Variants in KCNH5 observed in about 807,000 individuals in gnomAD.
KCNH5 encodes potassium voltage-gated channel subfamily H member 5, also known as voltage-gated delayed rectifier potassium channel KCNH5.
In KCNH5, 46 loss-of-function variants were observed where a neutral mutation model predicts 96.1. That is an observed-to-expected ratio of 0.48 (90% CI 0.38 to 0.61). The LOEUF (loss-of-function observed/expected upper bound fraction) is 0.61. KCNH5 is among the 20% of genes least tolerant of loss of function. The pLI is 0.00. For synonymous variants in KCNH5, 439 were observed against 449.8 expected, an observed-to-expected ratio of 0.98 and a Z score of 0.30; for missense variants, 907 against 1,225.8, an observed-to-expected ratio of 0.74 and a Z score of 3.88.
At chr14:62,826,403 C>T (rs909022213) in intron 8 of KCNH5, among the ~76,000 whole-genome samples, 8 of 93,756 alleles carry the variant, frequency 8.5e-5, no homozygotes, top group African/African-American at 2.0e-4. Context: ...TGTGTGCGTG[C>T]GTGCATGTGT....
chr14:63,042,801 A>G (rs1042833404), intron 1 of KCNH5, among the ~76,000 whole-genome samples: 1 of 152,102 alleles, frequency 6.6e-6, no homozygotes, highest in Non-Finnish European at 1.5e-5. Context: ...ATAATTCTCA[A>G]TTTCTGAGGT....
chr14:62,979,701 T>C (rs1438589615), intron 6 of KCNH5, among the ~76,000 whole-genome samples: 1 of 152,214 alleles, frequency 6.6e-6, no homozygotes, highest in Non-Finnish European at 1.5e-5. Flanking sequence ...CTCTTCTATA[T>C]ATTATGAATT....
chr14:62,816,808 C>A (rs1162305217), intron 8 of KCNH5, among the ~76,000 whole-genome samples: 2 of 151,558 alleles, frequency 1.3e-5, no homozygotes, highest in Non-Finnish European at 2.9e-5. Flanking sequence ...TCAAGTGAAC[C>A]ATTTCCATAA....
At chr14:63,039,499 A>G (rs898641873) in intron 1 of KCNH5, among the ~76,000 whole-genome samples, 2 of 152,086 alleles carry the variant, frequency 1.3e-5, no homozygotes, top group Non-Finnish European at 2.9e-5. Flanking sequence ...TTATATAAAG[A>G]TGTCTCATAG....
intron 4 of KCNH5, among the ~76,000 whole-genome samples, chr14:62,995,074 T>C (rs1415391285): frequency 2.0e-5 from 3 of 152,106 alleles, no homozygotes; most frequent in Non-Finnish European, 4.4e-5. Flanking sequence ...TCACATGTTG[T>C]AGTTATTTTC....
chr14:62,894,608 C>T (rs1888775458), intron 7 of KCNH5, among the ~76,000 whole-genome samples: 2 of 152,186 alleles, frequency 1.3e-5, no homozygotes, highest in African/African-American at 4.8e-5. Context: ...AACCTGGAAG[C>T]TGAGGTCAGT....
At chr14:62,782,888 T>A (rs969676845) in intron 9 of KCNH5, among the ~76,000 whole-genome samples, 27 of 152,172 alleles carry the variant, frequency 1.8e-4, no homozygotes, top group Non-Finnish European at 3.4e-4. Flanking sequence ...TACCTCCTTT[T>A]ATACAGATGA....
At chr14:62,919,124 A>T (rs551219765) in intron 7 of KCNH5, among the ~76,000 whole-genome samples, 1 of 152,252 alleles carries the variant, frequency 6.6e-6, no homozygotes, top group Admixed American at 6.5e-5. Context: ...AGTTTCATAC[A>T]TAAAAATGCT....
intron 7 of KCNH5, among the ~76,000 whole-genome samples, chr14:62,930,192 C>A (rs1280508875): frequency 6.6e-6 from 1 of 152,028 alleles, no homozygotes; most frequent in Non-Finnish European, 1.5e-5. Context: ...GTTTTAAGTT[C>A]TTTCAGAAAT....
At chr14:62,709,232 CAAAAAAAAAAAAAAA>C (rs67304113) in intron 10 of KCNH5, among the ~76,000 whole-genome samples, 15 of 71,568 alleles carry the variant, frequency 2.1e-4, no homozygotes, top group Non-Finnish European at 3.9e-4. Context: ...GACTCCTTCT[CAAAAAAAAAAAAAAA>C]AAAAAAAAAA....
intron 7 of KCNH5, among the ~76,000 whole-genome samples, chr14:62,938,640 A>G (rs1315978914): frequency 1.3e-5 from 2 of 152,254 alleles, no homozygotes; most frequent in Admixed American, 6.5e-5. Context: ...ATTGATGGAT[A>G]TCACATATGT....
intron 8 of KCNH5, among the ~76,000 whole-genome samples, chr14:62,832,705 C>G (rs1291714025): frequency 6.6e-6 from 1 of 152,142 alleles, no homozygotes; most frequent in Non-Finnish European, 1.5e-5. Context: ...GCAGCTATAT[C>G]ATTTTTACAT....
rs1349107141 is a variant in KCNH5 at position 63,001,431 on chromosome 14, A to T, written c.333T>A (p.Ile111=). ...NRTPVWFYMQ[I]APIRNEHEKV... The stretch of plus-strand genomic sequence containing the variant: ...TTTCATGTTCATTTCTTATTGGTGC[A>T]ATTTGCATATAAAACCAAACAGGGG... Residue 111 remains isoleucine, a synonymous_variant, in exon 4 of 11, where the codon ATT becomes ATA. Transcript: ENST00000322893. 1 of 1,611,804 alleles carries T rather than the reference A, an allele frequency of 6.2e-7. No homozygotes were observed. Among genetic ancestry groups the T allele is most frequent in the East Asian group, 2.2e-5 (1 of 44,706 alleles).
At chr14:62,977,489 A>G (rs1416318420) in intron 6 of KCNH5, among the ~76,000 whole-genome samples, 1 of 152,122 alleles carries the variant, frequency 6.6e-6, no homozygotes, top group Non-Finnish European at 1.5e-5. Context: ...TAGAAAGGGG[A>G]GCTAAAATCT....
intron 7 of KCNH5, among the ~76,000 whole-genome samples, chr14:62,872,486 C>G (rs972027899): frequency 1.3e-5 from 2 of 152,070 alleles, no homozygotes; most frequent in African/African-American, 4.8e-5. Context: ...GTCAGGAGAT[C>G]AAGACCATTC....
intron 2 of KCNH5, among the ~76,000 whole-genome samples, chr14:63,011,626 A>G (rs1363122941): frequency 6.6e-6 from 1 of 152,220 alleles, no homozygotes; most frequent in Non-Finnish European, 1.5e-5. Context: ...CACTGGAGTA[A>G]ATAAATGGTT....
At chr14:62,853,468 T>TATGATATATATATATATG (rs1555360167) in intron 7 of KCNH5, among the ~76,000 whole-genome samples, 1 of 124,432 alleles carries the variant, frequency 8.0e-6, no homozygotes, top group African/African-American at 3.2e-5. Context: ...TATATATATA[T>TATGATATATATATATATG]ATATATATAT....
chr14:62,769,068 G>A (rs1048068538), intron 10 of KCNH5, among the ~76,000 whole-genome samples: 1 of 152,232 alleles, frequency 6.6e-6, no homozygotes, highest in Non-Finnish European at 1.5e-5. Context: ...ACCCCCATCA[G>A]TGGAATTGGA....
intron 2 of KCNH5, among the ~76,000 whole-genome samples, chr14:63,011,832 T>C (rs886977439): frequency 1.3e-5 from 2 of 152,184 alleles, no homozygotes; most frequent in African/African-American, 4.8e-5. Flanking sequence ...GCTGCTGAGA[T>C]AATCCTGTGT....
Sources: allele counts gnomAD v4.1 joint callset (sites outside exome capture counted in the v4.1 genomes callset), GRCh38; gene constraint gnomAD v4.1.1; transcripts MANE v1.5; gene names NCBI Gene and HGNC (gene_info 2026-07-23, HGNC 2026-07-21).